Variants in DNAJB1 observed in about 807,000 individuals in gnomAD.
The protein encoded by DNAJB1 is DnaJ heat shock protein family (Hsp40) member B1.
DNAJB1 carries 14 observed loss-of-function variants against 24.0 expected under a neutral mutation model. That is an observed-to-expected ratio of 0.58 (90% CI 0.39 to 0.91). DNAJB1 has a LOEUF of 0.91. Ranked by LOEUF, DNAJB1 falls within the 40% of genes least tolerant of loss-of-function variation. DNAJB1 has a pLI of 0.00. For missense variants in DNAJB1, 517 were observed against 458.1 expected, an observed-to-expected ratio of 1.13 and a Z score of -1.17; for synonymous variants, 262 against 174.4, an observed-to-expected ratio of 1.50 and a Z score of -3.96.
intron 2 of DNAJB1, 44 bp downstream of exon 2, chr19:14,516,422 G>A (rs769049106): frequency 2.5e-6 from 4 of 1,573,512 alleles, no homozygotes; most frequent in African/African-American, 1.4e-5. Context: ...GCTTCAAAAA[G>A]CAGCCATCGC....
upstream of DNAJB1, chr19:14,530,973 T>TACTCAGCCACCATTCC (rs1555728276): frequency 6.6e-6 from 1 of 152,216 alleles, no homozygotes; most frequent in Admixed American, 6.6e-5. Flanking sequence ...GCCACCATTC[T>TACTCAGCCACCATTCC]ACTCAGCCAC....
upstream of DNAJB1, among the ~76,000 whole-genome samples, chr19:14,552,678 G>A (rs1219900628): frequency 3.3e-5 from 5 of 151,904 alleles, no homozygotes; most frequent in Admixed American, 1.3e-4. Context: ...GGGACTACAG[G>A]CACCCGCCAC....
chr19:14,550,218 G>A (rs1372882773), exon 1 of DNAJB1, among the ~76,000 whole-genome samples: 1 of 152,054 alleles, frequency 6.6e-6, no homozygotes, highest in Non-Finnish European at 1.5e-5. Context: ...CTGCAAAAGA[G>A]GATGAATACA....
chr19:14,548,250 T>C (rs11085897), intron 1 of DNAJB1, among the ~76,000 whole-genome samples: 128,550 of 152,040 alleles, frequency 0.85, 55,250 homozygotes, highest in African/African-American at 0.96. Context: ...TGTGAGCCAC[T>C]GTGCCTGGGC....
intron 1 of DNAJB1, 157 bp from the exon 2 acceptor site, chr19:14,517,203 C>A: frequency 1.5e-6 from 1 of 683,146 alleles, no homozygotes; most frequent in Non-Finnish European, 2.4e-6. Context: ...CTCTCACTGC[C>A]AACAGCAGAG....
At chr19:14,556,737 C>T (rs370476235) in intron 1 of DNAJB1, among the ~76,000 whole-genome samples, 5 of 152,344 alleles carry the variant, frequency 3.3e-5, no homozygotes, top group Admixed American at 2.0e-4. Context: ...CCAGAGCTGT[C>T]TCCGTCCCTG....
At position 14,518,121 on chromosome 19, in the gene DNAJB1, CTGGCCGCGAGCA is replaced by C; in HGVS notation, c.211+6_211+17del. 1 of 1,478,430 alleles carries C rather than the reference CTGGCCGCGAGCA, an allele frequency of 6.8e-7. No homozygotes were observed. Among genetic ancestry groups the C allele is most frequent in the Non-Finnish European group, 9.0e-7 (1 of 1,115,612 alleles). 91.6% of individuals were successfully genotyped at this position (1,478,430 alleles called of 1,614,324 possible). On this transcript the variant is annotated splice_donor_region_variant and intron_variant, in intron 1 of 2. Transcript: ENST00000254322. ...TCTGTCAAAAGGCGGGGCCGCGCCCCTGGCCGCGAGCACACACCTTCCTCCCCGTAGCGGTCG... is the reference window on the plus strand; with the variant it reads ...TCTGTCAAAAGGCGGGGCCGCGCCCCCACACCTTCCTCCCCGTAGCGGTCG...
rs1329583135 is a variant in DNAJB1, at chr19:14,518,262, G to A, written c.88C>T (p.Arg30Cys). The A allele has an allele frequency of 1.2e-6, 2 of 1,607,696 alleles. No homozygotes were observed. The highest frequency in any genetic ancestry group is 1.7e-6 in the Non-Finnish European group (2 of 1,177,816). ...IKRAYRRQAL[R>C]YHPDKNKEPG... ...TCCTTGTTCTTGTCCGGGTGGTAGC[G>A]CAGCGCCTGGCGGCGGTAGGCCCGC... Residue 30 changes from arginine to cysteine, a missense_variant, in exon 1 of 3, where the codon CGC becomes TGC. Physicochemically the swap from Arg to Cys is radical, Grantham distance 180. Coordinates refer to ENST00000254322, the MANE Select transcript of DNAJB1 (RefSeq NM_006145.3).
upstream of DNAJB1, chr19:14,529,908 T>C: frequency 2.6e-6 from 2 of 759,020 alleles, no homozygotes; most frequent in South Asian, 3.4e-5. Context: ...TTTATAAATC[T>C]GCAACCCAGG....
At chr19:14,539,009 C>T (rs1226760847) in intron 1 of DNAJB1, among the ~76,000 whole-genome samples, 4 of 149,596 alleles carry the variant, frequency 2.7e-5, no homozygotes, top group East Asian at 4.0e-4. Context: ...AGTCTCGCTC[C>T]GTCACCCAGG....
Position 14,518,267 on chromosome 19 carries a change from G to A in DNAJB1, c.83C>T (p.Ala28Val). 1.2e-6 allele frequency: 2 copies of A among 1,609,168 alleles called. No individual in the cohort carries two copies. The highest frequency in any genetic ancestry group is 1.7e-6 in the Non-Finnish European group (2 of 1,178,446). ...GTTCTTGTCCGGGTGGTAGCGCAGC[G>A]CCTGGCGGCGGTAGGCCCGCTTGAT... ...EEIKRAYRRQ[A>V]LRYHPDKNKE... is the part of the protein sequence containing the mutation. Residue 28 changes from alanine to valine, a missense_variant, in exon 1 of 3, where the codon GCG becomes GTG. Coordinates refer to ENST00000254322, the MANE Select transcript of DNAJB1 (RefSeq NM_006145.3).
chr19:14,552,627 C>T (rs911651639), upstream of DNAJB1, among the ~76,000 whole-genome samples: 9 of 151,952 alleles, frequency 5.9e-5, no homozygotes, highest in African/African-American at 1.9e-4. Flanking sequence ...CTCCGCCTCC[C>T]GGGTTCACGC....
At chr19:14,529,912 A>T, upstream of DNAJB1, 1 of 740,618 alleles carries the variant, frequency 1.4e-6, no homozygotes, top group East Asian at 2.7e-5. Context: ...TAAATCTGCA[A>T]CCCAGGCTGT....
rs2072266636 is a variant in DNAJB1, at chr19:14,516,566, A to G, written c.692T>C (p.Ile231Thr). 6.2e-7 allele frequency: 1 copy of G among 1,614,182 alleles called. No homozygotes were observed. The highest frequency in any genetic ancestry group is 8.5e-7 in the Non-Finnish European group (1 of 1,180,046). Reference sequence around the variant, plus strand: ...TAAAACAAAGACGATATCAGCTGGAATGTTGTTGGAGGTCTGGTCTCCTTC... The same window carrying G: ...TAAAACAAAGACGATATCAGCTGGAGTGTTGTTGGAGGTCTGGTCTCCTTC... Reference protein sequence around the residue: ...PKEGDQTSNNIPADIVFVLKD... With the variant: ...PKEGDQTSNNTPADIVFVLKD... The change falls in exon 2 of 3, where the codon ATT becomes ACT. Residue 231 changes from isoleucine to threonine, a missense_variant. Physicochemically the swap from Ile to Thr is moderately conservative, Grantham distance 89. Coordinates refer to ENST00000254322, the MANE Select transcript of DNAJB1 (RefSeq NM_006145.3).
rs2073124658 is a variant in DNAJB1 at position 14,542,347 on chromosome 19, G to GGTTTTTTTTTTTT, written c.-214+7860_-214+7861insAAAAAAAAAAAAC. 3.5e-4 allele frequency among the ~76,000 whole-genome samples: 15 copies of GGTTTTTTTTTTTT among 43,280 alleles called. 2 individuals are homozygous for GGTTTTTTTTTTTT. The highest frequency in any genetic ancestry group is 6.5e-4 in the African/African-American group (8 of 12,312). 28.4% of individuals were successfully genotyped at this position (43,280 alleles called of 152,430 possible). The stretch of plus-strand genomic sequence containing the variant: ...CCTCAGGGGGCCCTCATGCCATAGT[G>GGTTTTTTTTTTTT]TTTTTTTTTTTTTTTTTTTTTTTTT... On this transcript the variant is annotated intron_variant, in intron 1 of 3. Transcript: ENST00000676982.
upstream of DNAJB1, chr19:14,529,435 T>G (rs1048536783): frequency 4.8e-6 from 3 of 619,074 alleles, no homozygotes; most frequent in Non-Finnish European, 8.8e-6. Flanking sequence ...TTCCGCCCCC[T>G]TCGATTGGTC....
rs746727799 is a variant in DNAJB1 at position 14,516,634 on chromosome 19, C to T, written c.624G>A (p.Val208=). ...RNEDKILTIE[V]KKGWKEGTKI... ...TGGTTCCTTCTTTCCACCCCTTCTTCACTTCGATGGTCAATATTTTGTCTT... is the reference window on the plus strand; with the variant it reads ...TGGTTCCTTCTTTCCACCCCTTCTTTACTTCGATGGTCAATATTTTGTCTT... Residue 208 remains valine, a synonymous_variant, in exon 2 of 3, where the codon GTG becomes GTA. Transcript: ENST00000254322. 6 of 1,614,234 alleles carry T rather than the reference C, an allele frequency of 3.7e-6. No individual in the cohort carries two copies. The highest frequency in any genetic ancestry group is 1.7e-6 in the Non-Finnish European group (2 of 1,180,038).
chr19:14,544,796 C>G (rs35198415), intron 1 of DNAJB1, among the ~76,000 whole-genome samples: 30,530 of 151,870 alleles, frequency 0.2, 3,424 homozygotes, highest in African/African-American at 0.3. Context: ...TCACGCCCGG[C>G]TAATTTGAAA....
upstream of DNAJB1, among the ~76,000 whole-genome samples, chr19:14,551,004 T>A (rs2073482360): frequency 6.6e-6 from 1 of 151,784 alleles, no homozygotes; most frequent in Non-Finnish European, 1.5e-5. Flanking sequence ...CTCCTTTCTC[T>A]TATTAAGTCC....
Sources: allele counts gnomAD v4.1 joint callset (sites outside exome capture counted in the v4.1 genomes callset), GRCh38; gene constraint gnomAD v4.1.1; transcripts MANE v1.5; gene names NCBI Gene and HGNC (gene_info 2026-07-23, HGNC 2026-07-21).